Variants in MYLIP observed in about 807,000 individuals in gnomAD.
The protein encoded by MYLIP is E3 ubiquitin-protein ligase MYLIP.
A neutral mutation model predicts 45.8 loss-of-function variants in MYLIP; 26 were observed. The ratio of observed to expected loss-of-function variants is 0.57; its 90% CI spans 0.42 to 0.79. MYLIP has a LOEUF of 0.79. Among genes scored for constraint, MYLIP ranks in the 30% least tolerant of loss-of-function variants. MYLIP has a pLI of 0.00. For missense variants in MYLIP, 494 were observed against 555.6 expected (o/e 0.89, Z 1.11); for synonymous variants, 213 against 218.1 (o/e 0.98, Z 0.21).
chr6:16,163,304 C>A, the MYLIP span: 1 of 152,164 alleles, frequency 6.6e-6, no homozygotes, highest in Non-Finnish European at 1.5e-5. Context: ...AGGGTTGTAT[C>A]CAACAACAGA....
In MYLIP at chr6:16,140,852, A is replaced by G. The variant is rs74519493; in HGVS notation, c.279-773A>G. Among the ~76,000 whole-genome samples, 463 of 150,102 alleles carry G rather than the reference A, an allele frequency of 3.1e-3. 3 individuals are homozygous for G. Among genetic ancestry groups the G allele is most frequent in the African/African-American group, 0.011 (432 of 39,480 alleles). Reference sequence around the variant, plus strand: ...TTTTGAGCAGAGAAATGACAAGTTTATACTAGAAACAAGCAGCATGGAAGG... The same window carrying G: ...TTTTGAGCAGAGAAATGACAAGTTTGTACTAGAAACAAGCAGCATGGAAGG... On this transcript the variant is annotated intron_variant, in intron 2 of 6. Coordinates refer to ENST00000356840, the MANE Select transcript of MYLIP (RefSeq NM_013262.4).
rs149751439 is a variant in MYLIP at position 16,145,257 on chromosome 6, C to A, written c.1188C>A (p.Asn396Lys). Reference protein sequence around the residue: ...LCMVCCEEEINSTFCPCGHTV... With the variant: ...LCMVCCEEEIKSTFCPCGHTV... Reference sequence around the variant, plus strand: ...TGGTGTGCTGCGAGGAGGAGATCAACTCCACCTTCTGTCCCTGTGGCCACA... The same window carrying A: ...TGGTGTGCTGCGAGGAGGAGATCAAATCCACCTTCTGTCCCTGTGGCCACA... The change falls in exon 6 of 7, where the codon AAC becomes AAA. Residue 396 changes from asparagine (N) to lysine (K), a missense_variant. By Grantham distance (94) the Asn-to-Lys change is moderately conservative (BLOSUM62 0). Transcript: ENST00000356840. The A allele has an allele frequency of 1.2e-6, 2 of 1,612,128 alleles. No individual in the cohort carries two copies. The highest frequency in any genetic ancestry group is 1.3e-5 in the African/African-American group (1 of 74,918).
At chr6:16,138,743 GC>G (rs1431785772) in intron 2 of MYLIP, among the ~76,000 whole-genome samples, 1 of 152,154 alleles carries the variant, frequency 6.6e-6, no homozygotes, top group Non-Finnish European at 1.5e-5. Context: ...TGAAAAGGTT[GC>G]TTTATAGCCA....
Position 16,129,669 on chromosome 6 carries a change from C to A in MYLIP, c.87+260C>A, listed in dbSNP as rs1282306316. Among the ~76,000 whole-genome samples, 1 of 152,322 alleles carries A rather than the reference C, an allele frequency of 6.6e-6. No homozygotes were observed. The highest frequency in any genetic ancestry group is 6.5e-5 in the Admixed American group (1 of 15,306). On this transcript the variant is annotated intron_variant, in intron 1 of 6. Transcript: ENST00000356840. The surrounding 1 kb of genome is among the most constrained non-coding windows in gnomAD (Gnocchi z 5.1). ...GCAGCCCGCAGCCGGGATCCACCCCCCAGCGCCCCATCATCCCCCCAACCC... is the reference window on the plus strand; with the variant it reads ...GCAGCCCGCAGCCGGGATCCACCCCACAGCGCCCCATCATCCCCCCAACCC...
chr6:16,160,060 C>T, the MYLIP span, among the ~76,000 whole-genome samples: 2 of 152,162 alleles, frequency 1.3e-5, no homozygotes, highest in Non-Finnish European at 2.9e-5. Context: ...TTCATACAAA[C>T]GTGTAAGAAC....
chr6:16,153,514 G>T, the MYLIP span, among the ~76,000 whole-genome samples: 44,297 of 152,114 alleles, frequency 0.29, 6,799 homozygotes, highest in African/African-American at 0.38. Context: ...AATAAAGAGA[G>T]GAAAAATGAA....
At chr6:16,153,848 C>A in the MYLIP span, among the ~76,000 whole-genome samples, 1 of 152,192 alleles carries the variant, frequency 6.6e-6, no homozygotes, top group Admixed American at 6.5e-5. Context: ...GAAGTCCCTA[C>A]AAATGTATAG....
intron 2 of MYLIP, among the ~76,000 whole-genome samples, chr6:16,131,856 GT>G (rs1298250147): frequency 3.3e-5 from 5 of 152,162 alleles, no homozygotes; most frequent in Non-Finnish European, 7.4e-5. Context: ...TGAGGCAGAC[GT>G]TTAATTTTGT....
chr6:16,131,902 C>A (rs1194513490), intron 2 of MYLIP, among the ~76,000 whole-genome samples: 1 of 152,176 alleles, frequency 6.6e-6, no homozygotes, highest in African/African-American at 2.4e-5. Flanking sequence ...GTTCTTGGTA[C>A]TCCTGAAAAT....
chr6:16,146,929 C>G lies in MYLIP; in HGVS notation c.*178C>G, dbSNP rs768976573. 7.6e-6 allele frequency: 4 copies of G among 523,202 alleles called. No homozygotes were observed. The South Asian group carries it at 8.1e-5, about 11-fold the overall frequency. 32.4% of individuals were successfully genotyped at this position (523,202 alleles called of 1,614,324 possible). On this transcript the variant is annotated 3_prime_UTR_variant, in exon 7 of 7. Coordinates refer to ENST00000356840, the MANE Select transcript of MYLIP (RefSeq NM_013262.4). ...TCCTCACTGCAAAAACATATCCATG[C>G]GTAGAATCAACAACTCCAGTCATGG...
the MYLIP span, among the ~76,000 whole-genome samples, chr6:16,162,625 G>A: frequency 1.5e-4 from 23 of 151,694 alleles, no homozygotes; most frequent in Non-Finnish European, 5.9e-5. Context: ...TATATCCAGA[G>A]GATTTTTATA....
chr6:16,161,711 C>T, the MYLIP span, among the ~76,000 whole-genome samples: 1 of 152,212 alleles, frequency 6.6e-6, no homozygotes, highest in African/African-American at 2.4e-5. Flanking sequence ...TTTTGATTTA[C>T]GTTTTGTGAA....
At chr6:16,157,252 A>G in the MYLIP span, among the ~76,000 whole-genome samples, 1 of 152,166 alleles carries the variant, frequency 6.6e-6, no homozygotes, top group African/African-American at 2.4e-5. Flanking sequence ...GCCAGCTTAA[A>G]TCTCACTACT....
Position 16,130,613 on chromosome 6 carries a change from T to C in MYLIP, c.144T>C (p.Gly48=). The C allele has an allele frequency of 3.1e-6, 5 of 1,614,158 alleles. No homozygotes were observed. In the South Asian group the frequency reaches 5.5e-5, roughly 18 times the overall value. Residue 48 remains glycine (G), a synonymous_variant, in exon 2 of 7, where the codon GGT becomes GGC. Coordinates refer to ENST00000356840, the MANE Select transcript of MYLIP (RefSeq NM_013262.4). ...EVDYFGLQFT[G]SKGESLWLNL... is the part of the protein sequence containing the mutation. ...ACTATTTTGGACTGCAGTTTACGGGTAGCAAAGGTGAAAGTTTATGGCTAA... is the reference window on the plus strand; with the variant it reads ...ACTATTTTGGACTGCAGTTTACGGGCAGCAAAGGTGAAAGTTTATGGCTAA...
In MYLIP at chr6:16,143,808, A is replaced by G. The variant is rs199943196; in HGVS notation, c.772A>G (p.Thr258Ala). The G allele has an allele frequency of 6.2e-7, 1 of 1,613,510 alleles. No homozygotes were observed. Among genetic ancestry groups the G allele is most frequent in the East Asian group, 2.2e-5 (1 of 44,864 alleles). ...SIVLLFKMISTRAASGLYRAI... is the reference protein window; with the variant it reads ...SIVLLFKMISARAASGLYRAI... ...CGTGCTCTTGTTTAAAATGATCAGC[A>G]CCAGGGCGGCCAGCGGGCTCTACCG... The change falls in exon 5 of 7, where the codon ACC becomes GCC. Residue 258 changes from threonine (T) to alanine (A), a missense_variant. Thr to Ala is a moderately conservative substitution (Grantham distance 58, BLOSUM62 0). Coordinates refer to ENST00000356840, the MANE Select transcript of MYLIP (RefSeq NM_013262.4).
At chr6:16,142,031 ATC>A (rs1759684564) in intron 3 of MYLIP, among the ~76,000 whole-genome samples, 1 of 152,240 alleles carries the variant, frequency 6.6e-6, no homozygotes, top group Admixed American at 6.5e-5. Flanking sequence ...ACCAAAGGGT[ATC>A]CAAGCAAGGG....
intron 2 of MYLIP, among the ~76,000 whole-genome samples, chr6:16,140,845 C>T (rs1489202876): frequency 6.6e-6 from 1 of 150,922 alleles, no homozygotes; most frequent in African/African-American, 2.5e-5. Flanking sequence ...AGAGAAATGA[C>T]AAGTTTATAC....
intron 2 of MYLIP, among the ~76,000 whole-genome samples, chr6:16,138,129 T>C (rs1221345001): frequency 6.6e-6 from 1 of 152,230 alleles, no homozygotes; most frequent in Non-Finnish European, 1.5e-5. Context: ...TTCATGGACA[T>C]TTCCTTAAGA....
At chr6:16,146,008 ATACT>A (rs1759782837) in intron 6 of MYLIP, among the ~76,000 whole-genome samples, 1 of 152,186 alleles carries the variant, frequency 6.6e-6, no homozygotes, top group African/African-American at 2.4e-5. Flanking sequence ...GTTCTAGATA[ATACT>A]TAGTCCTTCA....
Sources: gnomAD v4.1 joint callset for allele counts (sites outside exome capture counted in the v4.1 genomes callset) on GRCh38, gnomAD v4.1.1 for gene constraint, Gnocchi (gnomAD v3.1) non-coding constraint, MANE v1.5 for transcripts, NCBI Gene and HGNC (gene_info 2026-07-23, HGNC 2026-07-21) for gene names.